SDCCAG8: variants seen among roughly 807,000 people sequenced by gnomAD.
SDCCAG8 encodes serologically defined colon cancer antigen 8.
SDCCAG8 carries 74 observed loss-of-function variants against 101.8 expected under a neutral mutation model. The ratio of observed to expected loss-of-function variants is 0.73; its 90% CI spans 0.60 to 0.88. The LOEUF is 0.88. Ranked by LOEUF, SDCCAG8 falls within the 40% of genes least tolerant of loss-of-function variation. The pLI is 0.00. For missense variants in SDCCAG8, 787 were observed against 822.6 expected (o/e 0.96, Z 0.53); for synonymous variants, 281 against 292.9 (o/e 0.96, Z 0.41).
rs538548734 is a variant in SDCCAG8 at position 243,306,511 on chromosome 1, A to G, written c.741-1478A>G. The G allele has an allele frequency of 8.5e-5, 13 of 152,278 alleles. No homozygotes were observed. In the East Asian group the frequency reaches 1.2e-3, roughly 14 times the overall value. The allele number at this position is 152,278 out of a possible 1,614,324, so 9.4% of individuals were successfully genotyped here. On this transcript the variant is annotated intron_variant, in intron 7 of 17. Transcript: ENST00000366541. Reference sequence around the variant, plus strand: ...TACTATAATTTAAGATTATTTAAAGAGGCATTTTCATAAATAAATAAAATC... The same window carrying G: ...TACTATAATTTAAGATTATTTAAAGGGGCATTTTCATAAATAAATAAAATC...
chr1:243,343,477 A>G (rs562657843), intron 11 of SDCCAG8, among the ~76,000 whole-genome samples: 3 of 152,380 alleles, frequency 2.0e-5, no homozygotes, highest in African/African-American at 7.2e-5. Flanking sequence ...AGTGTTAAGT[A>G]TAGAGGATGA....
At chr1:243,485,916 G>A (rs1424790760) in intron 16 of SDCCAG8, among the ~76,000 whole-genome samples, 2 of 141,272 alleles carry the variant, frequency 1.4e-5, no homozygotes, top group East Asian at 2.2e-4. Flanking sequence ...AATCAATCTC[G>A]GGCCGGGCGT....
intron 16 of SDCCAG8, among the ~76,000 whole-genome samples, chr1:243,439,624 A>T (rs368721220): frequency 7.3e-6 from 1 of 137,166 alleles, no homozygotes; most frequent in African/African-American, 2.9e-5. Context: ...AGACTCCATC[A>T]CACACACACA....
At chr1:243,387,328 C>G (rs984088150) in intron 13 of SDCCAG8, among the ~76,000 whole-genome samples, 4 of 151,884 alleles carry the variant, frequency 2.6e-5, no homozygotes, top group African/African-American at 9.7e-5. Context: ...AGGAAGCTTT[C>G]TTTTGTTTAT....
intron 16 of SDCCAG8, among the ~76,000 whole-genome samples, chr1:243,462,643 A>G (rs1659354264): frequency 2.0e-5 from 1 of 49,244 alleles, no homozygotes. Flanking sequence ...ACAAATTTAC[A>G]TTGTATTTTT....
chr1:243,371,646 C>T (rs1202758205), intron 12 of SDCCAG8, among the ~76,000 whole-genome samples: 2 of 152,100 alleles, frequency 1.3e-5, no homozygotes, highest in Non-Finnish European at 2.9e-5. Flanking sequence ...GCATCTGCTA[C>T]AGTGAAGAGG....
intron 17 of SDCCAG8, among the ~76,000 whole-genome samples, chr1:243,499,188 G>A (rs1435409128): frequency 1.3e-5 from 2 of 152,188 alleles, no homozygotes; most frequent in Non-Finnish European, 2.9e-5. Flanking sequence ...TTGTATCTGC[G>A]TAAAACTAAG....
At chr1:243,362,620 A>C (rs543106862) in intron 12 of SDCCAG8, among the ~76,000 whole-genome samples, 2 of 152,318 alleles carry the variant, frequency 1.3e-5, no homozygotes, top group East Asian at 3.9e-4. Context: ...AATACACACT[A>C]ATAATTACTA....
chr1:243,461,947 C>T (rs1188775422), intron 16 of SDCCAG8, among the ~76,000 whole-genome samples: 1 of 152,090 alleles, frequency 6.6e-6, no homozygotes, highest in African/African-American at 2.4e-5. Flanking sequence ...AGGGCTAATA[C>T]CTAATATATT....
At chr1:243,329,552 T>C (rs1021765453) in intron 9 of SDCCAG8, among the ~76,000 whole-genome samples, 3 of 152,194 alleles carry the variant, frequency 2.0e-5, no homozygotes, top group Non-Finnish European at 2.9e-5. Context: ...CCTGGGGTTC[T>C]TTCTACCATT....
intron 5 of SDCCAG8, among the ~76,000 whole-genome samples, chr1:243,290,646 AC>A (rs1162022196): frequency 2.6e-5 from 4 of 151,038 alleles, no homozygotes; most frequent in South Asian, 2.1e-4. Flanking sequence ...ATTTTCTGAG[AC>A]CCCCCTGCAG....
chr1:243,396,281 AT>A (rs1471796186), intron 13 of SDCCAG8, among the ~76,000 whole-genome samples: 1 of 152,116 alleles, frequency 6.6e-6, no homozygotes, highest in East Asian at 1.9e-4. Context: ...CTATGAGTTT[AT>A]TTTTTTCACA....
chr1:243,424,312 C>T (rs1274993206), intron 15 of SDCCAG8, among the ~76,000 whole-genome samples: 2 of 152,042 alleles, frequency 1.3e-5, no homozygotes, highest in Admixed American at 6.5e-5. Context: ...CAACCTCCCC[C>T]ACCAGTGACA....
chr1:243,404,451 A>G (rs1032976181), intron 13 of SDCCAG8, among the ~76,000 whole-genome samples: 12 of 152,250 alleles, frequency 7.9e-5, no homozygotes, highest in Non-Finnish European at 1.6e-4. Flanking sequence ...ACAAAGTCAA[A>G]TAGAAATAAT....
intron 11 of SDCCAG8, among the ~76,000 whole-genome samples, chr1:243,343,955 A>C (rs1343532811): frequency 6.6e-6 from 1 of 152,242 alleles, no homozygotes; most frequent in Non-Finnish European, 1.5e-5. Context: ...TGTTATATAA[A>C]ATAATCTTGG....
At chr1:243,338,271 A>G (rs1467030744) in intron 10 of SDCCAG8, among the ~76,000 whole-genome samples, 1 of 152,112 alleles carries the variant, frequency 6.6e-6, no homozygotes, top group East Asian at 1.9e-4. Flanking sequence ...CAAGAACATA[A>G]TGACTGACCA....
intron 12 of SDCCAG8, among the ~76,000 whole-genome samples, chr1:243,362,757 C>G (rs1052732485): frequency 3.3e-5 from 5 of 152,210 alleles, no homozygotes; most frequent in Non-Finnish European, 7.3e-5. Context: ...TTGAACTGCC[C>G]AGTGCATAGC....
At chr1:243,371,730 A>C (rs575235322) in intron 12 of SDCCAG8, among the ~76,000 whole-genome samples, 4 of 152,266 alleles carry the variant, frequency 2.6e-5, no homozygotes, top group Non-Finnish European at 5.9e-5. Flanking sequence ...CTGGTTCCCC[A>C]AGTGTCTAGC....
chr1:243,264,838 G>A (rs2067463245), intron 1 of SDCCAG8, among the ~76,000 whole-genome samples: 2 of 152,166 alleles, frequency 1.3e-5, no homozygotes, highest in African/African-American at 2.4e-5. Flanking sequence ...GGTTGGTGCT[G>A]GGGAAAAGAA....
Sources: gnomAD v4.1 joint callset for allele counts (sites outside exome capture counted in the v4.1 genomes callset) on GRCh38, gnomAD v4.1.1 for gene constraint, MANE v1.5 for transcripts, NCBI Gene and HGNC (gene_info 2026-07-23, HGNC 2026-07-21) for gene names.